The following THSD7A variants were observed in gnomAD, a reference collection of about 807,000 sequenced individuals.
The protein encoded by THSD7A is thrombospondin type-1 domain-containing protein 7A.
In THSD7A, 96 loss-of-function variants were observed where a neutral mutation model predicts 231.3. That is an observed-to-expected ratio of 0.41 (90% CI 0.35 to 0.49). The LOEUF is 0.49. Among genes scored for constraint, THSD7A ranks in the 20% least tolerant of loss-of-function variants. THSD7A has a pLI of 0.05. For missense variants in THSD7A, 2,290 were observed against 2,070.2 expected (o/e 1.11, Z -2.06); for synonymous variants, 940 against 743.3 (o/e 1.26, Z -4.30).
chr7:11,447,560 G>C, intron 11 of THSD7A, 136 bp from the exon 12 acceptor site: 1 of 672,702 alleles, frequency 1.5e-6, no homozygotes, highest in Non-Finnish European at 2.3e-6. Context: ...AAATCTTATA[G>C]GAGTGTTTCT....
intron 2 of THSD7A, among the ~76,000 whole-genome samples, chr7:11,633,221 A>G (rs1188996649): frequency 6.6e-6 from 1 of 152,102 alleles, no homozygotes; most frequent in Non-Finnish European, 1.5e-5. Flanking sequence ...CACCTGGTAT[A>G]CTTTCATACC....
chr7:11,653,448 A>G (rs911825846), intron 1 of THSD7A, among the ~76,000 whole-genome samples: 23 of 127,046 alleles, frequency 1.8e-4, no homozygotes, highest in South Asian at 3.2e-4. Context: ...ACTCCCAGAT[A>G]TGTGTGTGTG....
At chr7:11,651,203 A>C (rs1173970636) in intron 1 of THSD7A, among the ~76,000 whole-genome samples, 1 of 152,084 alleles carries the variant, frequency 6.6e-6, no homozygotes, top group Admixed American at 6.6e-5. Context: ...ATACTGTATG[A>C]TCCCATTTAT....
chr7:11,474,160 ACT>A lies in THSD7A; in HGVS notation c.2252+172_2252+173del, dbSNP rs1286001870. Among the ~76,000 whole-genome samples, 2 of 152,174 alleles carry A rather than the reference ACT, an allele frequency of 1.3e-5. No homozygotes were observed. The highest frequency in any genetic ancestry group is 4.8e-5 in the African/African-American group (2 of 41,436). On this transcript the variant is annotated intron_variant, in intron 8 of 27. Transcript: ENST00000423059. This position sits in a 1 kb window ranked among gnomAD's most constrained non-coding sequence, Gnocchi z 4.1. Reference sequence around the variant, plus strand: ...AGAATTTATGGTTCCCCAGTATAAAACTCAAAGCTGTTATAGCTTTATCAGTG... The same window carrying A: ...AGAATTTATGGTTCCCCAGTATAAAACAAAGCTGTTATAGCTTTATCAGTG...
intron 2 of THSD7A, among the ~76,000 whole-genome samples, chr7:11,597,913 C>T (rs1292201434): frequency 4.6e-5 from 7 of 152,190 alleles, no homozygotes; most frequent in African/African-American, 1.7e-4. Flanking sequence ...TCTTCCCCAG[C>T]CTGTACCGAT....
At chr7:11,526,317 CCTT>C (rs1788471752) in intron 6 of THSD7A, among the ~76,000 whole-genome samples, 1 of 152,084 alleles carries the variant, frequency 6.6e-6, no homozygotes, top group Non-Finnish European at 1.5e-5. Flanking sequence ...AATATACTGA[CCTT>C]CTTAATTTTT....
intron 1 of THSD7A, among the ~76,000 whole-genome samples, chr7:11,642,986 G>C (rs1386944364): frequency 6.6e-6 from 1 of 152,084 alleles, no homozygotes; most frequent in Non-Finnish European, 1.5e-5. Context: ...ATAAAAGGTT[G>C]AGTCTATAAA....
At chr7:11,718,943 AT>A (rs1781245398) in intron 1 of THSD7A, among the ~76,000 whole-genome samples, 1 of 151,244 alleles carries the variant, frequency 6.6e-6, no homozygotes, top group African/African-American at 2.4e-5. Flanking sequence ...CAAAAAGGAA[AT>A]AAAAAAAAGC....
chr7:11,508,433 G>GA (rs926378955), intron 6 of THSD7A, among the ~76,000 whole-genome samples: 30 of 149,826 alleles, frequency 2.0e-4, no homozygotes, highest in South Asian at 4.3e-4. Flanking sequence ...AACAAAAGGT[G>GA]AAAAAAAAAG....
At chr7:11,451,727 G>C (rs180738035) in intron 11 of THSD7A, among the ~76,000 whole-genome samples, 1 of 152,014 alleles carries the variant, frequency 6.6e-6, no homozygotes, top group African/African-American at 2.4e-5. Flanking sequence ...AGAGGACATG[G>C]ATATCTGTGT....
At chr7:11,514,976 A>T (rs1787969917) in intron 6 of THSD7A, among the ~76,000 whole-genome samples, 1 of 152,280 alleles carries the variant, frequency 6.6e-6, no homozygotes, top group East Asian at 1.9e-4. Context: ...TGTTCAGAAG[A>T]TCACTTGTTG....
chr7:11,523,922 GAATA>G (rs916126351), intron 6 of THSD7A, among the ~76,000 whole-genome samples: 65 of 152,046 alleles, frequency 4.3e-4, no homozygotes, highest in African/African-American at 1.5e-3. Flanking sequence ...TGGTTCCTTA[GAATA>G]AATTACTAGA....
At chr7:11,470,124 GTCTT>G (rs1052798682) in intron 8 of THSD7A, 130 bp from the exon 9 acceptor site, 2 of 673,296 alleles carry the variant, frequency 3.0e-6, no homozygotes, top group African/African-American at 3.6e-5. Context: ...ACTTCCAGGA[GTCTT>G]TCTTTCTGCT....
At chr7:11,517,457 G>A (rs569720946) in intron 6 of THSD7A, among the ~76,000 whole-genome samples, 16 of 151,556 alleles carry the variant, frequency 1.1e-4, no homozygotes, top group Non-Finnish European at 2.1e-4. Context: ...CCTGAAACAG[G>A]GAATATCATT....
intron 4 of THSD7A, among the ~76,000 whole-genome samples, chr7:11,568,761 T>C (rs1790489155): frequency 6.7e-6 from 1 of 150,360 alleles, no homozygotes; most frequent in African/African-American, 2.4e-5. Context: ...AAGGTATCCG[T>C]ATTGGGAAAG....
chr7:11,534,702 G>A (rs1788842834), intron 6 of THSD7A, among the ~76,000 whole-genome samples: 1 of 152,142 alleles, frequency 6.6e-6, no homozygotes, highest in Admixed American at 6.5e-5. Context: ...ATGAAGTCAT[G>A]GGAAGACAAT....
At chr7:11,628,898 G>C (rs1422719521) in intron 2 of THSD7A, among the ~76,000 whole-genome samples, 1 of 152,148 alleles carries the variant, frequency 6.6e-6, no homozygotes, top group Non-Finnish European at 1.5e-5. Context: ...AGAAAAGTTC[G>C]TAAAAGGATT....
chr7:11,626,104 T>G (rs3846988), intron 2 of THSD7A, among the ~76,000 whole-genome samples: 31,722 of 151,954 alleles, frequency 0.21, 5,504 homozygotes, highest in African/African-American at 0.47. Flanking sequence ...CTGACTTAAG[T>G]TTAGTCCCTT....
intron 1 of THSD7A, among the ~76,000 whole-genome samples, chr7:11,810,663 C>G (rs191198899): frequency 6.6e-6 from 1 of 152,274 alleles, no homozygotes; most frequent in African/African-American, 2.4e-5. Context: ...TCAGATTTAA[C>G]TTTCCATTCC....
Sources: gnomAD v4.1 joint callset for allele counts (sites outside exome capture counted in the v4.1 genomes callset) on GRCh38, gnomAD v4.1.1 for gene constraint, Gnocchi (gnomAD v3.1) non-coding constraint, MANE v1.5 for transcripts, NCBI Gene and HGNC (gene_info 2026-07-23, HGNC 2026-07-21) for gene names.